DYSF: variants seen among roughly 807,000 people sequenced by gnomAD.
The protein encoded by DYSF is dysferlin, also known as dystrophy-associated fer-1-like 1.
A neutral mutation model predicts 274.9 loss-of-function variants in DYSF; 212 were observed. The observed-to-expected ratio is 0.77, with a 90% confidence interval of 0.69 to 0.86. DYSF has a LOEUF of 0.86. DYSF is among the 40% of genes least tolerant of loss of function. DYSF has a pLI of 0.00. For missense variants in DYSF, 2,666 were observed against 2,783.2 expected, an observed-to-expected ratio of 0.96 and a Z score of 0.95; for synonymous variants, 1,091 against 1,078.7, an observed-to-expected ratio of 1.01 and a Z score of -0.22.
chr2:71,560,423 G>GGCCCAGGCCC (rs1553548274), intron 22 of DYSF, among the ~76,000 whole-genome samples: 1 of 149,876 alleles, frequency 6.7e-6, no homozygotes, highest in African/African-American at 2.5e-5. Flanking sequence ...GCAGGCCCCC[G>GGCCCAGGCCC]CCCCGCTACC....
At chr2:71,646,117 G>A (rs1427763458) in intron 42 of DYSF, among the ~76,000 whole-genome samples, 2 of 152,242 alleles carry the variant, frequency 1.3e-5, no homozygotes, top group Non-Finnish European at 2.9e-5. Flanking sequence ...GGCACAGGCA[G>A]CAGCAGCTGC....
intron 1 of DYSF, among the ~76,000 whole-genome samples, chr2:71,457,783 A>G (rs1042680987): frequency 6.6e-6 from 1 of 152,302 alleles, no homozygotes; most frequent in South Asian, 2.1e-4. Flanking sequence ...TGACAGGACT[A>G]TGGTGGCTGC....
intron 40 of DYSF, among the ~76,000 whole-genome samples, chr2:71,618,181 G>T: frequency 1.1e-5 from 1 of 91,184 alleles, no homozygotes; most frequent in Non-Finnish European, 2.2e-5. Flanking sequence ...GTAGAGGTGG[G>T]GTATAAGTGT....
intron 10 of DYSF, 81 bp from the exon 11 acceptor site, chr2:71,520,097 A>G: frequency 6.5e-7 from 1 of 1,546,200 alleles, no homozygotes; most frequent in Non-Finnish European, 8.9e-7. Flanking sequence ...ATGGTTTTTA[A>G]TGGAATCATA....
intron 48 of DYSF, 43 bp from the exon 49 acceptor site, chr2:71,668,711 T>G: frequency 1.3e-6 from 2 of 1,592,180 alleles, no homozygotes; most frequent in Non-Finnish European, 1.7e-6. Context: ...TAACAGCTGG[T>G]TAAATGAGAA....
At chr2:71,554,042 G>A (rs1210633784) in intron 21 of DYSF, 111 bp downstream of exon 21, 6 of 1,525,098 alleles carry the variant, frequency 3.9e-6, no homozygotes, top group African/African-American at 1.4e-5. Flanking sequence ...ACACACGGCT[G>A]TGCCTACTGA....
intron 3 of DYSF, among the ~76,000 whole-genome samples, chr2:71,487,468 C>T (rs367925799): frequency 1.1e-4 from 16 of 152,234 alleles, no homozygotes; most frequent in African/African-American, 3.6e-4. Context: ...GCAGTGTGCC[C>T]GCAGGGTAGA....
At chr2:71,504,031 G>C (rs11888263) in intron 4 of DYSF, among the ~76,000 whole-genome samples, 97,812 of 152,192 alleles carry the variant, frequency 0.64, 33,379 homozygotes, top group Non-Finnish European at 0.76. Context: ...GCCCTGACTT[G>C]TCTCAGACAG....
At chr2:71,567,815 C>T in intron 24 of DYSF, 136 bp from the exon 25 acceptor site, 1 of 1,317,818 alleles carries the variant, frequency 7.6e-7, no homozygotes, top group African/African-American at 1.5e-5. Flanking sequence ...CTGGTAAGCG[C>T]TCCCACAGGG....
intron 52 of DYSF, among the ~76,000 whole-genome samples, chr2:71,675,427 C>G (rs766556817): frequency 6.6e-6 from 1 of 152,192 alleles, no homozygotes; most frequent in Non-Finnish European, 1.5e-5. Flanking sequence ...GCCTGGAGCC[C>G]TCTTGGGGTA....
chr2:71,520,444 A>G (rs1398060625), intron 11 of DYSF, among the ~76,000 whole-genome samples: 1 of 152,182 alleles, frequency 6.6e-6, no homozygotes, highest in Non-Finnish European at 1.5e-5. Context: ...GAAAGGCCCC[A>G]TTACTGGACA....
At chr2:71,625,523 G>C (rs1302026552) in intron 41 of DYSF, among the ~76,000 whole-genome samples, 1 of 151,984 alleles carries the variant, frequency 6.6e-6, no homozygotes, top group Non-Finnish European at 1.5e-5. Context: ...TGTTCCATTG[G>C]TCTGTTTGTC....
chr2:71,642,603 G>T (rs2094504262), intron 41 of DYSF, among the ~76,000 whole-genome samples: 1 of 152,148 alleles, frequency 6.6e-6, no homozygotes. Context: ...GACCCTCCGG[G>T]TAAGTGGGTC....
At chr2:71,619,151 A>C (rs2152892822) in intron 40 of DYSF, among the ~76,000 whole-genome samples, 1 of 152,200 alleles carries the variant, frequency 6.6e-6, no homozygotes, top group South Asian at 2.1e-4. Flanking sequence ...AAAGAACTGC[A>C]TTAAAAATAA....
intron 24 of DYSF, among the ~76,000 whole-genome samples, chr2:71,567,483 A>G (rs745568940): frequency 6.6e-6 from 1 of 152,238 alleles, no homozygotes; most frequent in Non-Finnish European, 1.5e-5. Flanking sequence ...CGAAAACTTT[A>G]TCTCCGCAGT....
chr2:71,589,190 G>A (rs2093171250), intron 30 of DYSF, among the ~76,000 whole-genome samples: 2 of 152,144 alleles, frequency 1.3e-5, no homozygotes, highest in South Asian at 4.1e-4. Flanking sequence ...AGCAGGGGGT[G>A]GCAGAGATGG....
Position 71,680,968 on chromosome 2 carries a change from G to A in DYSF, c.6064-33G>A, listed in dbSNP as rs117788234. 4.8e-3 allele frequency: 7,683 copies of A among 1,602,410 alleles called. 39 individuals are homozygous for A. The highest frequency in any genetic ancestry group is 0.021 in the East Asian group (958 of 44,786). ...CTCCAGGCCACTGAGCAGAGCCTTC[G>A]TGCCCCTAACCAAGTGCTCTCTGTC... is the stretch of plus-strand genomic sequence containing the variant. On this transcript the variant is annotated intron_variant, in intron 53 of 55. Coordinates refer to ENST00000410020, the MANE Select transcript of DYSF (RefSeq NM_001130987.2).
At chr2:71,544,662 T>C (rs4852804) in intron 17 of DYSF, among the ~76,000 whole-genome samples, 101,850 of 151,810 alleles carry the variant, frequency 0.67, 35,044 homozygotes, top group Middle Eastern at 0.76. Context: ...GGTTTCACCA[T>C]GTGGGCCAGG....
chr2:71,595,371 C>T (rs2093377017), intron 32 of DYSF, among the ~76,000 whole-genome samples: 1 of 152,186 alleles, frequency 6.6e-6, no homozygotes, highest in Non-Finnish European at 1.5e-5. Flanking sequence ...GGAAGGAGCA[C>T]TGGACTAGGA....
Sources: gnomAD v4.1 joint callset for allele counts (sites outside exome capture counted in the v4.1 genomes callset) on GRCh38, gnomAD v4.1.1 for gene constraint, MANE v1.5 for transcripts, NCBI Gene and HGNC (gene_info 2026-07-23, HGNC 2026-07-21) for gene names.